The following EPAS1 variants were observed in gnomAD, a reference collection of about 807,000 sequenced individuals.
The protein encoded by EPAS1 is endothelial PAS domain-containing protein 1.
Under a neutral mutation model 87.9 loss-of-function variants are expected in EPAS1, and 23 were observed. The observed-to-expected ratio is 0.26, with a 90% confidence interval of 0.19 to 0.37. The LOEUF is 0.37. EPAS1 is among the 10% of genes least tolerant of loss of function. The pLI is 1.00. For synonymous variants in EPAS1, 508 were observed against 444.3 expected (o/e 1.14, Z -1.80); for missense variants, 1,138 against 1,120.7 (o/e 1.02, Z -0.22).
rs1390207728 is a variant in EPAS1, at chr2:46,378,637, C to A, written c.1444-20C>A. ...CAGTGCCATATCTTTGACTCTGTCC[C>A]CCTCCTTCCTGGCCCCTAGCCCAAT... On this transcript the variant is annotated intron_variant, in intron 10 of 15. Transcript: ENST00000263734. The A allele has an allele frequency of 2.5e-6, 4 of 1,605,844 alleles. No homozygotes were observed. Among genetic ancestry groups the A allele is most frequent in the Non-Finnish European group, 3.4e-6 (4 of 1,172,556 alleles).
intron 1 of EPAS1, among the ~76,000 whole-genome samples, chr2:46,301,204 A>C (rs769769819): frequency 1.4e-4 from 22 of 152,184 alleles, no homozygotes; most frequent in Non-Finnish European, 3.2e-4. Flanking sequence ...ATCTAGTCAG[A>C]CTTTTCTCTT....
rs143786557 is a variant in EPAS1 at position 46,337,826 on chromosome 2, C to T, written c.27-9047C>T. Among the ~76,000 whole-genome samples the T allele has an allele frequency of 2.1e-3, 327 of 152,242 alleles. 1 individual carries two copies. The highest frequency in any genetic ancestry group is 7.5e-3 in the African/African-American group (310 of 41,544). On this transcript the variant is annotated intron_variant, in intron 1 of 15. Coordinates refer to ENST00000263734, the MANE Select transcript of EPAS1 (RefSeq NM_001430.5). ...GTGAGAAGGAAACAACCTGTGGCAG[C>T]TGTAGACTCCGCAAGCAAAGCACAA...
chr2:46,323,787 C>T (rs552159896), intron 1 of EPAS1, among the ~76,000 whole-genome samples: 1 of 152,298 alleles, frequency 6.6e-6, no homozygotes, highest in Admixed American at 6.5e-5. Flanking sequence ...TATTATGCCC[C>T]TAGGTCACTT....
intron 9 of EPAS1, among the ~76,000 whole-genome samples, chr2:46,377,146 G>A (rs1287620596): frequency 2.6e-5 from 4 of 152,208 alleles, no homozygotes; most frequent in Non-Finnish European, 5.9e-5. Flanking sequence ...AAGGACAGAT[G>A]GCTTGTTCAG....
chr2:46,377,217 T>G (rs1684771157), intron 9 of EPAS1, among the ~76,000 whole-genome samples: 1 of 152,170 alleles, frequency 6.6e-6, no homozygotes, highest in Non-Finnish European at 1.5e-5. Context: ...GAGAACATAT[T>G]GAGGCCTGGG....
At chr2:46,311,616 A>G (rs1313746629) in intron 1 of EPAS1, among the ~76,000 whole-genome samples, 1 of 152,248 alleles carries the variant, frequency 6.6e-6, no homozygotes, top group African/African-American at 2.4e-5. Context: ...ACCTGTGACT[A>G]GATATCTGTT....
At chr2:46,314,324 G>A (rs1488554176) in intron 1 of EPAS1, among the ~76,000 whole-genome samples, 1 of 152,184 alleles carries the variant, frequency 6.6e-6, no homozygotes, top group African/African-American at 2.4e-5. Flanking sequence ...GCAGTGATTG[G>A]GTCGGTGTCA....
intron 2 of EPAS1, 123 bp from the exon 3 acceptor site, chr2:46,356,028 A>G: frequency 9.8e-7 from 1 of 1,023,650 alleles, no homozygotes; most frequent in Non-Finnish European, 1.5e-6. Flanking sequence ...GGTTGGCAGT[A>G]TGCGTTTCCA....
intron 4 of EPAS1, 33 bp downstream of exon 4, chr2:46,356,841 C>T (rs1442160276): frequency 1.3e-6 from 2 of 1,517,234 alleles, no homozygotes; most frequent in Non-Finnish European, 1.8e-6. Flanking sequence ...CCTTCTTGCC[C>T]CCACTGGGTG....
intron 7 of EPAS1, among the ~76,000 whole-genome samples, chr2:46,373,046 G>A (rs1684659907): frequency 6.6e-6 from 1 of 152,158 alleles, no homozygotes; most frequent in Non-Finnish European, 1.5e-5. Flanking sequence ...ATTGTATTAG[G>A]AGCCACCAGA....
Position 46,380,439 on chromosome 2 carries a change from G to C in EPAS1, c.1767G>C (p.Gln589His). The part of the protein sequence containing the change: ...PHSPFLLDKF[Q>H]QQLESKKTEP... ...GTCCCTTCCTCCTGGACAAGTTTCA[G>C]CAGCAGCTGGAGAGCAAGAAGACAG... The change falls in exon 12 of 16, where the codon CAG (glutamine) becomes CAC (histidine). Residue 589 changes from glutamine (Q) to histidine (H), a missense_variant. Gln to His is a conservative substitution (Grantham distance 24, BLOSUM62 0). Around this residue, in one of 4 missense-constraint regions of EPAS1, gnomAD observed 502 missense variants for 427.1 expected, o/e 1.18. Coordinates refer to ENST00000263734, the MANE Select transcript of EPAS1 (RefSeq NM_001430.5). This position sits in a 1 kb window ranked among gnomAD's most constrained non-coding sequence, Gnocchi z 4.4. 1 of 1,614,180 alleles carries C rather than the reference G, an allele frequency of 6.2e-7. No homozygotes were observed.
chr2:46,371,008 AGCATAGCGTCTG>A lies in EPAS1; in HGVS notation c.886+1077_886+1088del, dbSNP rs1404300356. Reference sequence around the variant, plus strand: ...GCTCATATCTTTAACCTCAGTATCTAGCATAGCGTCTGGTACAGAACAGGCACTAAATGCACT... The same window carrying A: ...GCTCATATCTTTAACCTCAGTATCTAGTACAGAACAGGCACTAAATGCACT... On this transcript the variant is annotated intron_variant, in intron 7 of 15. Transcript: ENST00000263734. This position sits in a 1 kb window ranked among gnomAD's most constrained non-coding sequence, Gnocchi z 4.3. 6.6e-6 allele frequency among the ~76,000 whole-genome samples: 1 copy of A among 152,190 alleles called. No homozygotes were observed. Among genetic ancestry groups the A allele is most frequent in the Non-Finnish European group, 1.5e-5 (1 of 68,046 alleles).
intron 1 of EPAS1, among the ~76,000 whole-genome samples, chr2:46,340,175 TTAG>T (rs1683883838): frequency 6.6e-6 from 1 of 151,946 alleles, no homozygotes. Context: ...GATGGGCTGC[TTAG>T]TAATCGAATC....
rs779874445 is a variant in EPAS1, at chr2:46,382,548, A to T, written c.2411A>T (p.Tyr804Phe). 3 of 1,614,108 alleles carry T rather than the reference A, an allele frequency of 1.9e-6. No individual in the cohort carries two copies. The East Asian group carries it at 6.7e-5, about 36-fold the overall frequency. ...AAGAGCAGGTTCCCCCCACAGTGCT[A>T]CGCCACCCAGTACCAGGACTACAGC... ...NSKSRFPPQC[Y>F]ATQYQDYSLS... Residue 804 changes from tyrosine (Y) to phenylalanine (F), a missense_variant, in exon 15 of 16, where the codon TAC (tyrosine) becomes TTC (phenylalanine). Tyr to Phe is a conservative substitution (Grantham distance 22, BLOSUM62 3). This residue lies in a region of EPAS1 where 502 missense variants were observed against 427.1 expected (regional missense o/e 1.18). Coordinates refer to ENST00000263734, the MANE Select transcript of EPAS1 (RefSeq NM_001430.5).
At chr2:46,309,968 G>A (rs1327993974) in intron 1 of EPAS1, among the ~76,000 whole-genome samples, 1 of 152,212 alleles carries the variant, frequency 6.6e-6, no homozygotes, top group East Asian at 1.9e-4. Context: ...GTTGGAGGAG[G>A]CCATGATTTG....
At chr2:46,361,229 G>T in intron 6 of EPAS1, 139 bp downstream of exon 6, 2 of 950,124 alleles carry the variant, frequency 2.1e-6, no homozygotes, top group South Asian at 3.0e-5. Context: ...CTGTGCCACT[G>T]TTTCATTGCA....
At chr2:46,363,721 AC>A (rs1684449323) in intron 6 of EPAS1, among the ~76,000 whole-genome samples, 1 of 152,242 alleles carries the variant, frequency 6.6e-6, no homozygotes, top group African/African-American at 2.4e-5. Flanking sequence ...GGGCTTTGTG[AC>A]TCATAATGTA....
At chr2:46,341,416 A>G (rs1195018154) in intron 1 of EPAS1, among the ~76,000 whole-genome samples, 1 of 152,206 alleles carries the variant, frequency 6.6e-6, no homozygotes, top group Non-Finnish European at 1.5e-5. Context: ...TTCCCAAAAG[A>G]CAGAGCGATG....
At position 46,381,977 on chromosome 2, in the gene EPAS1, G is replaced by A. The variant is rs886200031; in HGVS notation, c.2175G>A (p.Gly725=). ...CCATCTGCCCTTCTTACTCCCAGGG[G>A]GACCCACCTGGTGGCAGCACCTCAC... ...EEQAFQDLSG[G]DPPGGSTSHL... The change falls in exon 14 of 16, where the codon GGG becomes GGA. Residue 725 remains glycine (G), a splice_region_variant and synonymous_variant. Coordinates refer to ENST00000263734, the MANE Select transcript of EPAS1 (RefSeq NM_001430.5). The A allele has an allele frequency of 1.9e-6, 3 of 1,613,904 alleles. No individual in the cohort carries two copies. The African/African-American group carries it at 4.0e-5, about 22-fold the overall frequency.
Sources: gnomAD v4.1 joint callset for allele counts (sites outside exome capture counted in the v4.1 genomes callset) on GRCh38, gnomAD v4.1.1 for gene constraint, gnomAD v4.1.1 regional missense constraint, Gnocchi (gnomAD v3.1) non-coding constraint, MANE v1.5 for transcripts, NCBI Gene and HGNC (gene_info 2026-07-23, HGNC 2026-07-21) for gene names.